MYO6: variants seen among roughly 807,000 people sequenced by gnomAD.
MYO6 encodes unconventional myosin-VI.
Under a neutral mutation model 178.7 loss-of-function variants are expected in MYO6, and 74 were observed. The observed-to-expected ratio is 0.41, with a 90% CI of 0.34 to 0.50. The LOEUF (loss-of-function observed/expected upper bound fraction) is 0.50. Ranked by LOEUF, MYO6 falls within the 20% of genes least tolerant of loss-of-function variation. The pLI, the probability that MYO6 is intolerant of heterozygous loss-of-function variation, is 0.09. For synonymous variants in MYO6, 477 were observed against 504.6 expected (o/e 0.95, Z 0.73); for missense variants, 1,330 against 1,547.4 (o/e 0.86, Z 2.36).
At chr6:75,863,173 G>C (rs1409764826) in intron 16 of MYO6, among the ~76,000 whole-genome samples, 2 of 152,122 alleles carry the variant, frequency 1.3e-5, no homozygotes, top group Non-Finnish European at 2.9e-5. Flanking sequence ...GCTTTGTTTT[G>C]TGACCTTAAT....
In MYO6 at chr6:75,822,782, A is replaced by G. The variant is rs1772027167; in HGVS notation, c.118A>G (p.Thr40Ala). ...AATGAGCATTTGTTTTGCTTGTTAG[A>G]CATTTTTGGCTCTCATAAACCAAGT... ...TIEPLNQKGK[T>A]FLALINQVFP... The change falls in exon 3 of 35, where the codon ACA becomes GCA. Residue 40 changes from threonine to alanine, a missense_variant and splice_region_variant. By Grantham distance (58) the Thr-to-Ala change is moderately conservative. Transcript: ENST00000369977. The G allele has an allele frequency of 6.2e-7, 1 of 1,613,116 alleles. No individual in the cohort carries two copies. Among genetic ancestry groups the G allele is most frequent in the Non-Finnish European group, 8.5e-7 (1 of 1,179,294 alleles).
At chr6:75,887,911 G>A (rs1353518278) in intron 25 of MYO6, among the ~76,000 whole-genome samples, 2 of 151,734 alleles carry the variant, frequency 1.3e-5, no homozygotes, top group African/African-American at 2.4e-5. Flanking sequence ...CCGGGGGGGC[G>A]GAGCTTGCAG....
chr6:75,881,907 A>G, intron 23 of MYO6, 89 bp downstream of exon 23: 1 of 1,487,758 alleles, frequency 6.7e-7, no homozygotes, highest in Non-Finnish European at 9.4e-7. Context: ...GGTGATGCTG[A>G]GCAACAGAGA....
At chr6:75,855,404 T>C in intron 12 of MYO6, 121 bp downstream of exon 12, 1 of 928,092 alleles carries the variant, frequency 1.1e-6, no homozygotes. Context: ...CATCTCAGTG[T>C]AGTAATCCAC....
intron 1 of MYO6, among the ~76,000 whole-genome samples, chr6:75,810,083 C>CAA (rs60265510): frequency 0.021 from 1,602 of 76,866 alleles, 53 homozygotes; most frequent in African/African-American, 0.057. Context: ...GACTCTGTCT[C>CAA]AAAAAAAAAA....
intron 20 of MYO6, among the ~76,000 whole-genome samples, chr6:75,878,784 G>A (rs143819810): frequency 3.9e-5 from 6 of 152,160 alleles, no homozygotes; most frequent in East Asian, 1.9e-4. Flanking sequence ...TACTTTCTCC[G>A]TTGATTTGAA....
chr6:75,915,088 AT>A lies in MYO6; in HGVS notation c.*78del. The A allele has an allele frequency of 7.6e-7, 1 of 1,318,100 alleles. No individual in the cohort carries two copies. Among genetic ancestry groups the A allele is most frequent in the Non-Finnish European group, 1.1e-6 (1 of 936,218 alleles). The allele number at this position is 1,318,100 out of a possible 1,614,324, so 81.7% of individuals were successfully genotyped here. A position where few individuals can be genotyped will look rare whatever the true frequency, so the allele number is the denominator to read the frequency against. ...AGGGTGTGTGCCCCCAGATTTAACC[AT>A]TCCATAATCATGTTAGAGTTACTTC... On this transcript the variant is annotated 3_prime_UTR_variant, in exon 35 of 35. Transcript: ENST00000369977.
chr6:75,841,858 G>A (rs146957564), intron 9 of MYO6, among the ~76,000 whole-genome samples: 1 of 152,242 alleles, frequency 6.6e-6, no homozygotes, highest in Non-Finnish European at 1.5e-5. Context: ...CTATTAAGGT[G>A]TACTGCTGAG....
chr6:75,830,061 G>A (rs1418099961), intron 4 of MYO6, among the ~76,000 whole-genome samples: 1 of 152,204 alleles, frequency 6.6e-6, no homozygotes, highest in Non-Finnish European at 1.5e-5. Context: ...TAGAGCTAGA[G>A]ACTCAGATTT....
chr6:75,848,491 C>T lies in MYO6; in HGVS notation c.1038C>T (p.His346=), dbSNP rs1774937186. ...TCCGGGTAGTAGCTGGCGTCCTGCA[C>T]CTTGGAAATATTGATTTTGAGGAAG... The part of the protein sequence containing the change: ...DLFRVVAGVL[H]LGNIDFEEAG... The change falls in exon 11 of 35, where the codon CAC becomes CAT. Residue 346 remains histidine (H), a synonymous_variant. Transcript: ENST00000369977. 1.2e-6 allele frequency: 2 copies of T among 1,613,540 alleles called. No homozygotes were observed. Among genetic ancestry groups the T allele is most frequent in the Non-Finnish European group, 8.5e-7 (1 of 1,179,748 alleles).
intron 32 of MYO6, among the ~76,000 whole-genome samples, 196 bp from the exon 33 acceptor site, chr6:75,911,476 A>G (rs147861548): frequency 6.6e-6 from 1 of 152,044 alleles, no homozygotes; most frequent in East Asian, 1.9e-4. Context: ...CCTAAGCCTA[A>G]TGAGTCAAAA....
At chr6:75,811,548 GT>G (rs991365912) in intron 1 of MYO6, among the ~76,000 whole-genome samples, 15 of 152,208 alleles carry the variant, frequency 9.9e-5, no homozygotes, top group Non-Finnish European at 1.9e-4. Context: ...ATAGTTAACA[GT>G]TGAAAATAGG....
intron 6 of MYO6, among the ~76,000 whole-genome samples, chr6:75,834,401 T>G (rs1444030033): frequency 6.6e-6 from 1 of 151,974 alleles, no homozygotes; most frequent in Non-Finnish European, 1.5e-5. Context: ...CCTGGCTAAT[T>G]TTTTATTTTT....
chr6:75,756,939 GTGTATATATGTGTATATA>G (rs1777426410), intron 1 of MYO6, among the ~76,000 whole-genome samples: 1 of 139,608 alleles, frequency 7.2e-6, no homozygotes, highest in South Asian at 2.3e-4. Context: ...CATATATAGT[GTGTATATATGTGTATATA>G]TGTATACACA....
chr6:75,891,439 T>C (rs1042430299), intron 27 of MYO6, 133 bp downstream of exon 27: 62 of 552,452 alleles, frequency 1.1e-4, no homozygotes, highest in Non-Finnish European at 2.0e-4. Flanking sequence ...AAGACCATCC[T>C]GGCTAACATG....
chr6:75,848,318 C>A, intron 10 of MYO6, 33 bp from the exon 11 acceptor site: 1 of 1,586,428 alleles, frequency 6.3e-7, no homozygotes, highest in Non-Finnish European at 8.7e-7. Context: ...AATAATGTAA[C>A]GATCAGTTAA....
At chr6:75,802,563 C>T in intron 1 of MYO6, among the ~76,000 whole-genome samples, 1 of 150,998 alleles carries the variant, frequency 6.6e-6, no homozygotes, top group Non-Finnish European at 1.5e-5. Flanking sequence ...GACTCACTAG[C>T]CTCAACATCC....
chr6:75,883,801 C>T (rs1245147589), intron 23 of MYO6, among the ~76,000 whole-genome samples: 1 of 152,044 alleles, frequency 6.6e-6, no homozygotes, highest in Non-Finnish European at 1.5e-5. Flanking sequence ...CATCAGAGTA[C>T]CTGAAATAGT....
At chr6:75,834,324 C>T (rs1046092474) in intron 6 of MYO6, among the ~76,000 whole-genome samples, 3 of 152,120 alleles carry the variant, frequency 2.0e-5, no homozygotes, top group Non-Finnish European at 4.4e-5. Context: ...CCTCGACCTC[C>T]TGGGGCCAAG....
Sources: allele counts gnomAD v4.1 joint callset (sites outside exome capture counted in the v4.1 genomes callset), GRCh38; gene constraint gnomAD v4.1.1; transcripts MANE v1.5; gene names NCBI Gene and HGNC (gene_info 2026-07-23, HGNC 2026-07-21).